LIPC: variants seen among roughly 807,000 people sequenced by gnomAD.
The protein encoded by LIPC is lipase C, hepatic type, also known as hepatic triacylglycerol lipase.
A neutral mutation model predicts 50.7 loss-of-function variants in LIPC; 44 were observed. The ratio of observed to expected loss-of-function variants is 0.87; its 90% CI spans 0.68 to 1.11. The LOEUF is 1.11. Among genes scored for constraint, LIPC ranks in the 50% most tolerant of loss-of-function variants. The pLI is 0.00. For missense variants in LIPC, 697 were observed against 648.2 expected (o/e 1.08, Z -0.82); for synonymous variants, 271 against 256.4 (o/e 1.06, Z -0.54).
At chr15:58,563,956 C>T (rs1309473160) in intron 8 of LIPC, 10 of 541,154 alleles carry the variant, frequency 1.8e-5, no homozygotes, top group African/African-American at 1.1e-4. Context: ...CCCCACTGCC[C>T]GTGGCTAACG....
At chr15:58,495,877 A>G (rs999856738) in intron 1 of LIPC, among the ~76,000 whole-genome samples, 19 of 152,188 alleles carry the variant, frequency 1.2e-4, no homozygotes, top group African/African-American at 4.6e-4. Flanking sequence ...TCAAGCATAA[A>G]CTCTGTCCCT....
intron 1 of LIPC, among the ~76,000 whole-genome samples, chr15:58,485,289 G>A (rs1028322777): frequency 1.3e-5 from 2 of 152,160 alleles, no homozygotes; most frequent in Non-Finnish European, 2.9e-5. Context: ...TGAGTTTTAG[G>A]AGACAGTATC....
chr15:58,476,068 A>G (rs1422514851), intron 1 of LIPC, among the ~76,000 whole-genome samples: 5 of 152,376 alleles, frequency 3.3e-5, no homozygotes, highest in Admixed American at 2.6e-4. Flanking sequence ...CTCACTCTTC[A>G]TGACAACCTT....
At chr15:58,561,225 G>A (rs182614709) in intron 7 of LIPC, among the ~76,000 whole-genome samples, 60 of 152,256 alleles carry the variant, frequency 3.9e-4, no homozygotes, top group Non-Finnish European at 6.9e-4. Context: ...CTACAGCTTG[G>A]TTTTATACAT....
intron 1 of LIPC, among the ~76,000 whole-genome samples, chr15:58,476,999 C>A (rs759759141): frequency 6.6e-6 from 1 of 152,208 alleles, no homozygotes; most frequent in Non-Finnish European, 1.5e-5. Flanking sequence ...GGTCTTGCAC[C>A]ACCATGGTGT....
intron 1 of LIPC, among the ~76,000 whole-genome samples, chr15:58,463,660 A>T (rs1365628297): frequency 6.6e-6 from 1 of 152,094 alleles, no homozygotes; most frequent in Non-Finnish European, 1.5e-5. Flanking sequence ...TTGCGCAGGT[A>T]TTCACCCGCT....
intron 1 of LIPC, among the ~76,000 whole-genome samples, chr15:58,454,009 C>T (rs1894015682): frequency 6.6e-6 from 1 of 152,198 alleles, no homozygotes; most frequent in South Asian, 2.1e-4. Flanking sequence ...GTTGACCCCA[C>T]AGTGATTCTG....
chr15:58,477,978 G>T (rs941223996), intron 1 of LIPC, among the ~76,000 whole-genome samples: 2 of 151,856 alleles, frequency 1.3e-5, no homozygotes, highest in Non-Finnish European at 2.9e-5. Context: ...TCCAGCCAGG[G>T]GGACGTGCAC....
At chr15:58,458,251 G>A (rs978222832) in intron 1 of LIPC, among the ~76,000 whole-genome samples, 1 of 152,080 alleles carries the variant, frequency 6.6e-6, no homozygotes, top group Non-Finnish European at 1.5e-5. Context: ...TCATCAGGAA[G>A]TGCTTCCTAA....
At chr15:58,498,863 G>T (rs1275526274) in intron 1 of LIPC, 1 of 152,268 alleles carries the variant, frequency 6.6e-6, no homozygotes, top group East Asian at 1.9e-4. Flanking sequence ...AAAACTGCCA[G>T]GGAAAGAATG....
intron 8 of LIPC, among the ~76,000 whole-genome samples, chr15:58,567,191 A>C (rs1894391741): frequency 7.7e-6 from 1 of 130,218 alleles, no homozygotes; most frequent in African/African-American, 3.1e-5. Context: ...ACAGAGCGAG[A>C]CTCCGTCTCA....
intron 1 of LIPC, among the ~76,000 whole-genome samples, chr15:58,516,554 T>C (rs1386012005): frequency 6.6e-6 from 1 of 152,204 alleles, no homozygotes; most frequent in Admixed American, 6.5e-5. Context: ...ATGGATGGTT[T>C]CTGTTGCTGT....
rs1555399294 is a variant in LIPC at position 58,471,328 on chromosome 15, T to TGCGGGG, written c.88+39209_88+39210insCGGGGG. Among the ~76,000 whole-genome samples the TGCGGGG allele has an allele frequency of 1.0e-3, 116 of 114,146 alleles. 1 individual carries two copies. Among genetic ancestry groups the TGCGGGG allele is most frequent in the African/African-American group, 3.7e-3 (108 of 29,404 alleles). The allele number at this position is 114,146 out of a possible 152,430, so 74.9% of individuals were successfully genotyped here. A position where few individuals can be genotyped will look rare whatever the true frequency, so the allele number is the denominator to read the frequency against. On this transcript the variant is annotated intron_variant, in intron 1 of 8. Transcript: ENST00000299022. Reference sequence around the variant, plus strand: ...ATTTTTTTTGTATTTTTAGTAGAGATGGGGGGGGGTGGTCTCACCATGTTG... The same window carrying TGCGGGG: ...ATTTTTTTTGTATTTTTAGTAGAGATGCGGGGGGGGGGGGGTGGTCTCACCATGTTG...
At chr15:58,499,098 G>C (rs1891881354) in intron 1 of LIPC, among the ~76,000 whole-genome samples, 1 of 152,188 alleles carries the variant, frequency 6.6e-6, no homozygotes, top group African/African-American at 2.4e-5. Context: ...AGAATGGAGA[G>C]ACAGTGCCTG....
At chr15:58,516,340 T>G (rs1595912924) in intron 1 of LIPC, among the ~76,000 whole-genome samples, 1 of 151,068 alleles carries the variant, frequency 6.6e-6, no homozygotes, top group African/African-American at 2.4e-5. Context: ...TTGAGATCAT[T>G]GATCATCTTG....
chr15:58,439,871 A>G (rs1308614198), intron 1 of LIPC, among the ~76,000 whole-genome samples: 3 of 152,190 alleles, frequency 2.0e-5, no homozygotes, highest in African/African-American at 7.2e-5. Flanking sequence ...GACCACAGAG[A>G]ACCACTAGAG....
intron 1 of LIPC, among the ~76,000 whole-genome samples, chr15:58,489,217 C>CGGT (rs568178680): frequency 0.036 from 595 of 16,498 alleles, 60 homozygotes; most frequent in East Asian, 0.096. Flanking sequence ...CATTTTGTTG[C>CGGT]GGGGGCGGGG....
At chr15:58,538,312 G>A (rs370050961) in intron 1 of LIPC, 21 bp from the exon 2 acceptor site, 17 of 1,613,264 alleles carry the variant, frequency 1.1e-5, no homozygotes, top group African/African-American at 4.0e-5. Context: ...GCTAAGCACC[G>A]TCCCCAATCT....
At chr15:58,496,166 C>A (rs1301139453) in intron 1 of LIPC, among the ~76,000 whole-genome samples, 1 of 152,034 alleles carries the variant, frequency 6.6e-6, no homozygotes, top group Non-Finnish European at 1.5e-5. Flanking sequence ...GGACATTTGG[C>A]AATATCTGGG....
Sources: allele counts gnomAD v4.1 joint callset (sites outside exome capture counted in the v4.1 genomes callset), GRCh38; gene constraint gnomAD v4.1.1; transcripts MANE v1.5; gene names NCBI Gene and HGNC (gene_info 2026-07-23, HGNC 2026-07-21).